The following SYT10 variants were observed in gnomAD, a reference collection of about 807,000 sequenced individuals.
SYT10 encodes the protein synaptotagmin 10, also known as synaptotagmin-10.
SYT10 carries 31 observed loss-of-function variants against 51.1 expected under a neutral mutation model. The ratio of observed to expected loss-of-function variants is 0.61; its 90% CI spans 0.46 to 0.82. The LOEUF (loss-of-function observed/expected upper bound fraction) is 0.82. SYT10 is among the 40% of genes least tolerant of loss of function. The probability of loss-of-function intolerance (pLI) is 0.00; values close to 1 mark genes in which losing one functional copy is unlikely to be tolerated. For synonymous variants in SYT10, 233 were observed against 225.9 expected, an observed-to-expected ratio of 1.03 and a Z score of -0.28; for missense variants, 603 against 634.0, an observed-to-expected ratio of 0.95 and a Z score of 0.53.
In SYT10 at chr12:33,374,980, ACTTT is replaced by A. The variant is rs1260212100; in HGVS notation, c.*1846_*1849del. On this transcript the variant is annotated 3_prime_UTR_variant, in exon 7 of 7. Transcript: ENST00000228567. ...AAAATGTCATTCTATTAATAGTATA[ACTTT>A]TTGTCTTCCTATTTGAAAAGTTTTA... 6.6e-6 allele frequency: 1 copy of A among 151,990 alleles called. No homozygotes were observed. The highest frequency in any genetic ancestry group is 2.4e-5 in the African/African-American group (1 of 41,430). The allele number at this position is 151,990 out of a possible 1,614,324, so 9.4% of individuals were successfully genotyped here.
intron 3 of SYT10, among the ~76,000 whole-genome samples, chr12:33,399,310 G>A (rs1288770564): frequency 6.6e-6 from 1 of 152,106 alleles, no homozygotes; most frequent in Non-Finnish European, 1.5e-5. Flanking sequence ...AAAAAGCATG[G>A]CATCAATGCT....
intron 2 of SYT10, among the ~76,000 whole-genome samples, chr12:33,417,823 T>C (rs1481413238): frequency 6.6e-6 from 1 of 152,150 alleles, no homozygotes; most frequent in Non-Finnish European, 1.5e-5. Context: ...AGAGTGGCTC[T>C]GATTGACCAT....
At chr12:33,390,665 TAC>T (rs141814457) in intron 3 of SYT10, among the ~76,000 whole-genome samples, 5 of 151,504 alleles carry the variant, frequency 3.3e-5, no homozygotes, top group East Asian at 1.9e-4. Flanking sequence ...TGTATGTGTA[TAC>T]ACACACACAC....
chr12:33,398,662 G>C (rs575115246), intron 3 of SYT10, among the ~76,000 whole-genome samples: 6 of 152,156 alleles, frequency 3.9e-5, no homozygotes, highest in African/African-American at 1.2e-4. Flanking sequence ...CTACTACTAT[G>C]ATATAATTTT....
intron 1 of SYT10, among the ~76,000 whole-genome samples, chr12:33,438,979 T>G (rs368907170): frequency 7.2e-5 from 11 of 152,122 alleles, no homozygotes; most frequent in Admixed American, 5.2e-4. Context: ...GCAGCCCTAG[T>G]CCCACAGGTG....
chr12:33,431,055 T>C (rs554472269), intron 1 of SYT10, among the ~76,000 whole-genome samples: 2 of 152,278 alleles, frequency 1.3e-5, no homozygotes, highest in African/African-American at 4.8e-5. Flanking sequence ...TTCTGGTTTG[T>C]TTTACATTTT....
chr12:33,436,521 A>G (rs182637060), intron 1 of SYT10, among the ~76,000 whole-genome samples: 328 of 152,298 alleles, frequency 2.2e-3, no homozygotes, highest in Non-Finnish European at 3.4e-3. Context: ...CAATTTTATT[A>G]AAGTATGAGA....
intron 3 of SYT10, among the ~76,000 whole-genome samples, chr12:33,402,412 C>T (rs1352661003): frequency 8.5e-5 from 13 of 152,066 alleles, no homozygotes; most frequent in Admixed American, 3.3e-4. Context: ...CATGGAAAGG[C>T]AATGTGAAAT....
At position 33,407,203 on chromosome 12, in the gene SYT10, A is replaced by G; in HGVS notation, c.663T>C (p.Ser221=). The G allele has an allele frequency of 6.2e-7, 1 of 1,614,214 alleles. No individual in the cohort carries two copies. The highest frequency in any genetic ancestry group is 8.5e-7 in the Non-Finnish European group (1 of 1,180,042). ...PELYKQKSVD[S]EGNQNEDVKI... is the part of the protein sequence containing the mutation. ...TGACATCTTCGTTTTGGTTGCCCTC[A>G]GAGTCAACTGATTTCTGTTTGTAGA... is the stretch of plus-strand genomic sequence containing the variant. Residue 221 remains serine (S), a synonymous_variant, in exon 3 of 7, where the codon TCT becomes TCC. Transcript: ENST00000228567.
At position 33,376,885 on chromosome 12, in the gene SYT10, G is replaced by A; in HGVS notation, c.1517C>T (p.Thr506Ile). Residue 506 changes from threonine to isoleucine, a missense_variant, in exon 7 of 7, where the codon ACC becomes ATC. Physicochemically the swap from Thr to Ile is moderately conservative, Grantham distance 89. Transcript: ENST00000228567. ...GCAGGATCCTTGACTATCAAAACTG[G>A]TCGCCCGGCCAGGTAACTGAAAGAC... The part of the protein sequence containing the change: ...HPLLELPGRA[T>I]SFDSQGSCPS... 1 of 1,614,032 alleles carries A rather than the reference G, an allele frequency of 6.2e-7. No individual in the cohort carries two copies. The highest frequency in any genetic ancestry group is 2.2e-5 in the East Asian group (1 of 44,870).
At chr12:33,381,885 C>G (rs79944458) in intron 5 of SYT10, among the ~76,000 whole-genome samples, 325 of 152,272 alleles carry the variant, frequency 2.1e-3, no homozygotes, top group Admixed American at 3.8e-3. Flanking sequence ...ACTCTTACTC[C>G]TCGTTGTTCA....
chr12:33,409,223 TTC>T (rs1236983299), intron 2 of SYT10, among the ~76,000 whole-genome samples: 2 of 152,248 alleles, frequency 1.3e-5, no homozygotes, highest in East Asian at 3.9e-4. Context: ...GAAGCTCGAT[TTC>T]TTTTTTTTCG....
At chr12:33,427,190 G>A (rs1866560144) in intron 1 of SYT10, among the ~76,000 whole-genome samples, 1 of 152,016 alleles carries the variant, frequency 6.6e-6, no homozygotes, top group South Asian at 2.1e-4. Flanking sequence ...CTTCTAGGGA[G>A]GGCATTAGGT....
At chr12:33,381,193 GCT>G (rs946281591) in intron 5 of SYT10, among the ~76,000 whole-genome samples, 1 of 152,014 alleles carries the variant, frequency 6.6e-6, no homozygotes, top group African/African-American at 2.4e-5. Flanking sequence ...TCAAGAGTTC[GCT>G]CTCTCTTTCT....
intron 3 of SYT10, chr12:33,405,703 C>A (rs183901251): frequency 2.0e-5 from 3 of 151,632 alleles, no homozygotes; most frequent in South Asian, 4.2e-4. Context: ...TTGTAAGTTG[C>A]GATACAACTC....
At chr12:33,382,242 C>A in intron 5 of SYT10, 107 bp downstream of exon 5, 2 of 1,066,304 alleles carry the variant, frequency 1.9e-6, no homozygotes, top group Non-Finnish European at 2.5e-6. Context: ...ATTCCCTCCT[C>A]CAATTTAAAT....
rs757491040 is a variant in SYT10 at position 33,402,504 on chromosome 12, T to C, written c.1077+4285A>G. ...TGTGGAGGCTATCAGGAAACAATTATATAATAATTTACACTGAGGCATATA... is the reference window on the plus strand; with the variant it reads ...TGTGGAGGCTATCAGGAAACAATTACATAATAATTTACACTGAGGCATATA... On this transcript the variant is annotated intron_variant, in intron 3 of 6. Coordinates refer to ENST00000228567, the MANE Select transcript of SYT10 (RefSeq NM_198992.4). Among the ~76,000 whole-genome samples the C allele has an allele frequency of 4.5e-4, 69 of 152,228 alleles. 1 individual carries two copies. The highest frequency in any genetic ancestry group is 7.9e-4 in the Non-Finnish European group (54 of 68,028).
intron 2 of SYT10, among the ~76,000 whole-genome samples, chr12:33,424,811 CA>C (rs1866536209): frequency 6.6e-6 from 1 of 151,592 alleles, no homozygotes; most frequent in African/African-American, 2.4e-5. Context: ...ACATAAAGAT[CA>C]TAAATAAGAA....
intron 3 of SYT10, among the ~76,000 whole-genome samples, chr12:33,387,994 G>T (rs139312605): frequency 6.6e-6 from 1 of 151,972 alleles, no homozygotes; most frequent in Non-Finnish European, 1.5e-5. Context: ...TACCTGCCTC[G>T]GTCTCCCAAA....
Sources: allele counts gnomAD v4.1 joint callset (sites outside exome capture counted in the v4.1 genomes callset), GRCh38; gene constraint gnomAD v4.1.1; transcripts MANE v1.5; gene names NCBI Gene and HGNC (gene_info 2026-07-23, HGNC 2026-07-21).